SCN4B: variants seen among roughly 807,000 people sequenced by gnomAD.
SCN4B encodes sodium voltage-gated channel beta subunit 4.
In SCN4B, 20 loss-of-function variants were observed where a neutral mutation model predicts 19.6. That is an observed-to-expected ratio of 1.02 (90% confidence interval 0.72 to 1.48). SCN4B has a LOEUF of 1.48. Among genes scored for constraint, SCN4B ranks in the 40% most tolerant of loss-of-function variants. The pLI, the probability that SCN4B is intolerant of heterozygous loss-of-function variation, is 0.00. For synonymous variants in SCN4B, 127 were observed against 122.8 expected (o/e 1.03, Z -0.22); for missense variants, 271 against 287.5 (o/e 0.94, Z 0.42).
rs1452630632 is a variant in SCN4B at position 118,136,791 on chromosome 11, C to T, written c.*236G>A. On this transcript the variant is annotated 3_prime_UTR_variant, in exon 5 of 5. Coordinates refer to ENST00000324727, the MANE Select transcript of SCN4B (RefSeq NM_174934.4). ...TCCACACCACCCTAGCCTCTCCTTTCTTTCTCCTGAATCTTCCACAGACCC... is the reference window on the plus strand; with the variant it reads ...TCCACACCACCCTAGCCTCTCCTTTTTTTCTCCTGAATCTTCCACAGACCC... 3 of 643,638 alleles carry T rather than the reference C, an allele frequency of 4.7e-6. No homozygotes were observed. Among genetic ancestry groups the T allele is most frequent in the Non-Finnish European group, 8.6e-6 (3 of 348,478 alleles). 39.9% of individuals were successfully genotyped at this position (643,638 alleles called of 1,614,324 possible).
Position 118,137,090 on chromosome 11 carries a change from A to G in SCN4B, c.624T>C (p.Asn208=), listed in dbSNP as rs770446500. 1.4e-5 allele frequency: 23 copies of G among 1,614,050 alleles called. No homozygotes were observed. The East Asian group carries it at 4.7e-4, about 33-fold the overall frequency. The change falls in exon 5 of 5, where the codon AAT becomes AAC. Residue 208 remains asparagine (N), a synonymous_variant. Coordinates refer to ENST00000324727, the MANE Select transcript of SCN4B (RefSeq NM_174934.4). ...CAGGCAAGCCGTTCTCCGTGTTGTC[A>G]TTCCCCGAGGAGCTCACGAGACACT... is the stretch of plus-strand genomic sequence containing the variant. ...KKECLVSSSG[N]DNTENGLPGS...
chr11:118,139,873 A>G (rs1948071394), intron 4 of SCN4B, among the ~76,000 whole-genome samples: 3 of 150,382 alleles, frequency 2.0e-5, no homozygotes, highest in Admixed American at 1.3e-4. Flanking sequence ...CCTTATCAGG[A>G]GACATCTAGC....
At position 118,148,890 on chromosome 11, in the gene SCN4B, G is replaced by A. The variant is rs1948208948; in HGVS notation, c.62-3661C>T. Among the ~76,000 whole-genome samples, 1 of 152,154 alleles carries A rather than the reference G, an allele frequency of 6.6e-6. No homozygotes were observed. Among genetic ancestry groups the A allele is most frequent in the South Asian group, 2.1e-4 (1 of 4,828 alleles). On this transcript the variant is annotated intron_variant, in intron 1 of 4. Coordinates refer to ENST00000324727, the MANE Select transcript of SCN4B (RefSeq NM_174934.4). The surrounding 1 kb of genome is among the most constrained non-coding windows in gnomAD (Gnocchi z 4.0). ...CTAGAATGTTAAAGTGTACGTGTGT[G>A]TGTGTGTGAGAGTGGGGGGCCTCTT...
In SCN4B at chr11:118,152,786, C is replaced by T. The variant is rs1948247573; in HGVS notation, c.-113G>A. The T allele has an allele frequency of 1.3e-6, 1 of 753,002 alleles. No individual in the cohort carries two copies. 46.6% of individuals were successfully genotyped at this position (753,002 alleles called of 1,614,324 possible). A position where few individuals can be genotyped will look rare whatever the true frequency, so the allele number is the denominator to read the frequency against. Reference sequence around the variant, plus strand: ...ACAAAGCTACCCCGGAGCTCTGCGCCGCCGGTCGGGGCTCGGGAAAGTTAG... The same window carrying T: ...ACAAAGCTACCCCGGAGCTCTGCGCTGCCGGTCGGGGCTCGGGAAAGTTAG... On this transcript the variant is annotated 5_prime_UTR_variant, in exon 1 of 5. Transcript: ENST00000324727.
chr11:118,135,506 T>C lies in SCN4B; in HGVS notation c.*1521A>G. On this transcript the variant is annotated 3_prime_UTR_variant, in exon 5 of 5. Transcript: ENST00000324727. ...AGAGAGGCTTGTTACCACTTTTCCC[T>C]GCCATCCCTGGCCTCACCAATTCTG... 2.2e-6 allele frequency: 1 copy of C among 454,084 alleles called. No individual in the cohort carries two copies. Among genetic ancestry groups the C allele is most frequent in the South Asian group, 1.6e-5 (1 of 64,476 alleles). The allele number at this position is 454,084 out of a possible 1,614,324, so 28.1% of individuals were successfully genotyped here. A position where few individuals can be genotyped will look rare whatever the true frequency, so the allele number is the denominator to read the frequency against.
rs1947996490 is a variant in SCN4B at position 118,136,060 on chromosome 11, G to A, written c.*967C>T. ...GGTGGGGGGGGGGGAGCGAGCCAAT[G>A]GGAGGTTGGAGGGTGCAGCCTCTCA... On this transcript the variant is annotated 3_prime_UTR_variant, in exon 5 of 5. Coordinates refer to ENST00000324727, the MANE Select transcript of SCN4B (RefSeq NM_174934.4). 1 of 439,422 alleles carries A rather than the reference G, an allele frequency of 2.3e-6. No homozygotes were observed. Among genetic ancestry groups the A allele is most frequent in the South Asian group, 1.6e-5 (1 of 62,612 alleles). 27.2% of individuals were successfully genotyped at this position (439,422 alleles called of 1,614,324 possible). A position where few individuals can be genotyped will look rare whatever the true frequency, so the allele number is the denominator to read the frequency against.
rs149979176 is a variant in SCN4B at position 118,152,656 on chromosome 11, G to A, written c.18C>T (p.Asp6=). ...GCCATCTCGCCGGGGCTTTGCCTCC[G>A]TCCCCAGCCCCGGGCATAGTCCTGT... The part of the protein sequence containing the change: MPGAG[D]GGKAPARWLG... Residue 6 remains aspartate (D), a synonymous_variant, in exon 1 of 5, where the codon GAC becomes GAT. Transcript: ENST00000324727. 1 of 1,611,112 alleles carries A rather than the reference G, an allele frequency of 6.2e-7. No homozygotes were observed. Among genetic ancestry groups the A allele is most frequent in the South Asian group, 1.1e-5 (1 of 90,904 alleles).
intron 1 of SCN4B, among the ~76,000 whole-genome samples, chr11:118,150,824 G>A (rs1948226796): frequency 6.6e-6 from 1 of 152,126 alleles, no homozygotes; most frequent in Non-Finnish European, 1.5e-5. Context: ...CCCCTGTGAG[G>A]GCTCAGTCAG....
In SCN4B at chr11:118,145,068, C is replaced by T. The variant is rs1265062815; in HGVS notation, c.223G>A (p.Ala75Thr). 2 of 1,614,022 alleles carry T rather than the reference C, an allele frequency of 1.2e-6. No homozygotes were observed. Among genetic ancestry groups the T allele is most frequent in the Non-Finnish European group, 1.7e-6 (2 of 1,179,950 alleles). Residue 75 changes from alanine (A) to threonine (T), a missense_variant, in exon 2 of 5, where the codon GCA (alanine) becomes ACA (threonine). Transcript: ENST00000324727. Reference sequence around the variant, plus strand: ...CTCCAAATACTTACAATCTTGAATGCGTCACTGCTGTTGTAGGTCCACCGG... The same window carrying T: ...CTCCAAATACTTACAATCTTGAATGTGTCACTGCTGTTGTAGGTCCACCGG... ...HFRWTYNSSD[A>T]FKILIEGTVK...
chr11:118,151,666 A>G (rs1327206156), intron 1 of SCN4B, among the ~76,000 whole-genome samples: 2 of 152,200 alleles, frequency 1.3e-5, no homozygotes, highest in Non-Finnish European at 2.9e-5. Flanking sequence ...AAATACCTAC[A>G]CCGTGTGTCT....
Position 118,135,745 on chromosome 11 carries a change from T to C in SCN4B, c.*1282A>G. 1 of 454,304 alleles carries C rather than the reference T, an allele frequency of 2.2e-6. No homozygotes were observed. Among genetic ancestry groups the C allele is most frequent in the Non-Finnish European group, 4.4e-6 (1 of 226,730 alleles). 28.1% of individuals were successfully genotyped at this position (454,304 alleles called of 1,614,324 possible). Reference sequence around the variant, plus strand: ...TCTGCTGTTATGTCAGGACATACCGTCTAGAGAGGATGGGGGTAAGGGCTA... The same window carrying C: ...TCTGCTGTTATGTCAGGACATACCGCCTAGAGAGGATGGGGGTAAGGGCTA... On this transcript the variant is annotated 3_prime_UTR_variant, in exon 5 of 5. Transcript: ENST00000324727.
At chr11:118,144,979 C>T (rs928875281) in intron 2 of SCN4B, 78 bp downstream of exon 2, 7 of 1,446,526 alleles carry the variant, frequency 4.8e-6, no homozygotes, top group Non-Finnish European at 5.8e-6. Context: ...GGGTCTCAGT[C>T]CAGAAGGGAC....
chr11:118,147,334 ACT>A (rs1188168745), intron 1 of SCN4B, among the ~76,000 whole-genome samples: 2 of 152,196 alleles, frequency 1.3e-5, no homozygotes, highest in East Asian at 3.8e-4. Flanking sequence ...TTTTATATAC[ACT>A]GTCTCATTTA....
At chr11:118,144,995 C>A in intron 2 of SCN4B, 62 bp downstream of exon 2, 1 of 1,526,036 alleles carries the variant, frequency 6.6e-7, no homozygotes. Flanking sequence ...GGGACCAGAG[C>A]GTAGGAGGCG....
intron 4 of SCN4B, among the ~76,000 whole-genome samples, chr11:118,139,888 C>CT (rs5795120): frequency 0.32 from 44,942 of 139,492 alleles, 7,651 homozygotes; most frequent in East Asian, 0.51. Flanking sequence ...TCTAGCATTC[C>CT]TTTTTTTTTT....
rs1228736331 is a variant in SCN4B at position 118,136,762 on chromosome 11, C to T, written c.*265G>A. The T allele has an allele frequency of 1.7e-6, 1 of 593,012 alleles. No individual in the cohort carries two copies. 36.7% of individuals were successfully genotyped at this position (593,012 alleles called of 1,614,324 possible). On this transcript the variant is annotated 3_prime_UTR_variant, in exon 5 of 5. Transcript: ENST00000324727. Reference sequence around the variant, plus strand: ...ATCTGCCCAGGTGTCAGGGGACCAGCCCCTCCACACCACCCTAGCCTCTCC... The same window carrying T: ...ATCTGCCCAGGTGTCAGGGGACCAGTCCCTCCACACCACCCTAGCCTCTCC...
intron 4 of SCN4B, among the ~76,000 whole-genome samples, chr11:118,138,879 G>A (rs1205648087): frequency 6.6e-6 from 1 of 152,130 alleles, no homozygotes; most frequent in Non-Finnish European, 1.5e-5. Context: ...TCAATGGTGA[G>A]ATGTTGTCCA....
rs763488889 is a variant in SCN4B at position 118,136,035 on chromosome 11, G to A, written c.*992C>T. ...GGGGGCAGGGCGTGATGGAGGGCAC[G>A]GTGGGGGGGGGGGAGCGAGCCAATG... On this transcript the variant is annotated 3_prime_UTR_variant, in exon 5 of 5. Transcript: ENST00000324727. The A allele has an allele frequency of 3.1e-5, 12 of 382,560 alleles. No individual in the cohort carries two copies. Among genetic ancestry groups the A allele is most frequent in the East Asian group, 7.3e-5 (1 of 13,656 alleles). 23.7% of individuals were successfully genotyped at this position (382,560 alleles called of 1,614,324 possible).
chr11:118,135,020 A>C lies in SCN4B; in HGVS notation c.*2007T>G, dbSNP rs1390404282. On this transcript the variant is annotated 3_prime_UTR_variant, in exon 5 of 5. Transcript: ENST00000324727. ...TGCCTTGGCTTTCTCTTAAGACAGA[A>C]GGAGGAGCCCCAAGGTGCTCTGCCT... 1 of 454,114 alleles carries C rather than the reference A, an allele frequency of 2.2e-6. No homozygotes were observed. The highest frequency in any genetic ancestry group is 1.6e-5 in the South Asian group (1 of 64,478). 28.1% of individuals were successfully genotyped at this position (454,114 alleles called of 1,614,324 possible).
Sources: gnomAD v4.1 joint callset for allele counts (sites outside exome capture counted in the v4.1 genomes callset) on GRCh38, gnomAD v4.1.1 for gene constraint, Gnocchi (gnomAD v3.1) non-coding constraint, MANE v1.5 for transcripts, NCBI Gene and HGNC (gene_info 2026-07-23, HGNC 2026-07-21) for gene names.